Variants in SRCAP observed in about 807,000 individuals in gnomAD.
SRCAP encodes Snf2 related CREBBP activator protein, also known as chromatin remodeling protein SRCAP.
Under a neutral mutation model 263.1 loss-of-function variants are expected in SRCAP, and 46 were observed. That is an observed-to-expected ratio of 0.17 (90% CI 0.14 to 0.22). The LOEUF (loss-of-function observed/expected upper bound fraction) is 0.22, where lower values mean the gene tolerates loss of function less well. SRCAP is among the 10% of genes least tolerant of loss of function. The probability of loss-of-function intolerance (pLI) is 1.00; values close to 1 mark genes in which losing one functional copy is unlikely to be tolerated. For missense variants in SRCAP, 3,695 were observed against 4,181.9 expected (o/e 0.88, Z 3.21); for synonymous variants, 1,813 against 1,662.1 (o/e 1.09, Z -2.21).
intron 1 of SRCAP, among the ~76,000 whole-genome samples, chr16:30,699,542 C>T (rs1186645506): frequency 1.3e-5 from 2 of 152,184 alleles, no homozygotes; most frequent in African/African-American, 2.4e-5. Flanking sequence ...GTTGACTCTT[C>T]CCGGGAGTTC....
At position 30,724,954 on chromosome 16, in the gene SRCAP, T is replaced by A. The variant is rs201101556; in HGVS notation, c.5530T>A (p.Ser1844Thr). 6.2e-7 allele frequency: 1 copy of A among 1,614,186 alleles called. No homozygotes were observed. The highest frequency in any genetic ancestry group is 1.1e-5 in the South Asian group (1 of 91,082). ...PVTMVSRLPV[S>T]KDEPDTLTLR... ...CACCATGGTATCCCGGCTGCCTGTT[T>A]CCAAGGATGAGCCTGACACACTGAC... is the stretch of plus-strand genomic sequence containing the variant. Residue 1844 changes from serine to threonine, a missense_variant, in exon 25 of 34, where the codon TCC (serine) becomes ACC (threonine). By Grantham distance (58) the Ser-to-Thr change is moderately conservative. Transcript: ENST00000262518.
intron 12 of SRCAP, 52 bp downstream of exon 12, chr16:30,712,209 C>A: frequency 6.2e-7 from 1 of 1,600,338 alleles, no homozygotes; most frequent in Non-Finnish European, 8.5e-7. Flanking sequence ...TTCTCATGTC[C>A]CCACAACAAA....
chr16:30,710,976 T>C (rs780255630), intron 9 of SRCAP, 23 bp from the exon 10 acceptor site: 37 of 1,610,072 alleles, frequency 2.3e-5, no homozygotes, highest in Non-Finnish European at 3.1e-5. Flanking sequence ...TCCCTATTAA[T>C]CTTGCTTCTG....
chr16:30,715,949 T>C, intron 16 of SRCAP, 117 bp from the exon 17 acceptor site: 1 of 1,325,462 alleles, frequency 7.5e-7, no homozygotes. Flanking sequence ...CTCATCTTTG[T>C]GTGGTTGGTG....
At position 30,739,652 on chromosome 16, in the gene SRCAP, C is replaced by A. The variant is rs1297684751; in HGVS notation, c.9612C>A (p.Asp3204Glu). The A allele has an allele frequency of 6.3e-7, 1 of 1,587,570 alleles. No individual in the cohort carries two copies. The highest frequency in any genetic ancestry group is 1.1e-5 in the South Asian group (1 of 88,284). The change falls in exon 34 of 34, where the codon GAC (aspartate) becomes GAA (glutamate). Residue 3204 changes from aspartate (D) to glutamate (E), a missense_variant. This residue lies in a region of SRCAP where 1,207 missense variants were observed against 1,142.9 expected (regional missense o/e 1.06). Transcript: ENST00000262518. ...RRLVGTTNQG[D>E]QRILRSSAPP... is the part of the protein sequence containing the mutation. The stretch of plus-strand genomic sequence containing the variant: ...TTGTTGGGACCACCAACCAAGGGGA[C>A]CAGCGCATCCTGCGCAGCAGCGCCC...
intron 18 of SRCAP, among the ~76,000 whole-genome samples, chr16:30,719,783 G>A (rs1036648331): frequency 6.6e-6 from 1 of 152,138 alleles, no homozygotes. Context: ...CAGAGAGCTG[G>A]GATTACAGGT....
chr16:30,716,221 T>C lies in SRCAP; in HGVS notation c.2630+19T>C, dbSNP rs2052947442. 6.2e-7 allele frequency: 1 copy of C among 1,613,702 alleles called. No homozygotes were observed. Among genetic ancestry groups the C allele is most frequent in the Non-Finnish European group, 8.5e-7 (1 of 1,179,710 alleles). On this transcript the variant is annotated intron_variant, in intron 17 of 33. Transcript: ENST00000262518. ...AGACCACGTAAGGGAGGAAGGAGGG[T>C]GGGCCCTGGGACTCGAGATTGGAGT... is the stretch of plus-strand genomic sequence containing the variant.
At chr16:30,719,321 A>G (rs551532319) in intron 18 of SRCAP, among the ~76,000 whole-genome samples, 459 of 150,914 alleles carry the variant, frequency 3.0e-3, no homozygotes, top group African/African-American at 0.011. Context: ...GGTTTAAGCA[A>G]TTCTCCATTT....
At chr16:30,722,528 G>A in intron 22 of SRCAP, 35 bp from the exon 23 acceptor site, 1 of 1,608,798 alleles carries the variant, frequency 6.2e-7, no homozygotes, top group East Asian at 2.2e-5. Flanking sequence ...GCTGATAGCT[G>A]CTTCTCTCTC....
At chr16:30,711,187 G>T in intron 10 of SRCAP, 99 bp downstream of exon 10, 1 of 881,942 alleles carries the variant, frequency 1.1e-6, no homozygotes, top group Non-Finnish European at 1.8e-6. Flanking sequence ...ATCCACCCTG[G>T]AGGAATTCCA....
intron 14 of SRCAP, 84 bp downstream of exon 14, chr16:30,712,899 C>T (rs1006163150): frequency 7.3e-6 from 11 of 1,509,018 alleles, no homozygotes; most frequent in South Asian, 2.6e-5. Context: ...TCCTTTCTCT[C>T]CTCTTTCTTT....
chr16:30,724,328 C>G lies in SRCAP; in HGVS notation c.4904C>G (p.Ser1635Trp). 1 of 1,614,136 alleles carries G rather than the reference C, an allele frequency of 6.2e-7. No homozygotes were observed. Among genetic ancestry groups the G allele is most frequent in the Non-Finnish European group, 8.5e-7 (1 of 1,180,016 alleles). ...ACTCCGGTTCCAGTTATGGCTCCATCGTCTACTCCAGGAACCTCTTTAGCC... is the reference window on the plus strand; with the variant it reads ...ACTCCGGTTCCAGTTATGGCTCCATGGTCTACTCCAGGAACCTCTTTAGCC... ...SQTPVPVMAP[S>W]STPGTSLASA... Residue 1635 changes from serine to tryptophan, a missense_variant, in exon 25 of 34, where the codon TCG becomes TGG. By Grantham distance (177) the Ser-to-Trp change is radical (BLOSUM62 -3). This residue lies in a region of SRCAP where 1,347 missense variants were observed against 1,304.4 expected (regional missense o/e 1.03). Transcript: ENST00000262518.
chr16:30,722,864 G>A lies in SRCAP; in HGVS notation c.3893-99G>A, dbSNP rs117308939. 2,140 of 1,548,152 alleles carry A rather than the reference G, an allele frequency of 1.4e-3. 49 individuals carry two copies. The East Asian group carries it at 0.034, about 25-fold the overall frequency. ...GTTGTTTTCCCTTGCGAATATCTAT[G>A]ATACCTGTCTGCCACCTTCTCCTGC... On this transcript the variant is annotated intron_variant, in intron 23 of 33. Transcript: ENST00000262518.
intron 1 of SRCAP, among the ~76,000 whole-genome samples, chr16:30,699,532 G>C (rs2052742043): frequency 6.6e-6 from 1 of 152,132 alleles, no homozygotes; most frequent in Admixed American, 6.6e-5. Flanking sequence ...CAGCCTGTTT[G>C]TTGACTCTTC....
intron 19 of SRCAP, 59 bp from the exon 20 acceptor site, chr16:30,720,654 A>G: frequency 6.8e-7 from 1 of 1,478,126 alleles, no homozygotes; most frequent in Non-Finnish European, 9.1e-7. Flanking sequence ...CTTTTCTTTG[A>G]TATTGCTACC....
In SRCAP at chr16:30,738,234, G is replaced by A. The variant is rs769698032; in HGVS notation, c.8194G>A (p.Gly2732Ser). The A allele has an allele frequency of 3.1e-6, 5 of 1,614,000 alleles. No individual in the cohort carries two copies. The African/African-American group carries it at 4.0e-5, about 13-fold the overall frequency. ...RRTSADVEIR[G>S]QGTGRPGQPP... is the part of the protein sequence containing the mutation. ...CACCAGTGCTGATGTGGAAATTAGG[G>A]GTCAAGGGACTGGTCGGCCAGGACA... Residue 2732 changes from glycine to serine, a missense_variant, in exon 34 of 34, where the codon GGT becomes AGT. Gly to Ser is a moderately conservative substitution (Grantham distance 56). This residue lies in a region of SRCAP where 1,207 missense variants were observed against 1,142.9 expected (regional missense o/e 1.06). Transcript: ENST00000262518.
In SRCAP at chr16:30,724,292, C is replaced by A; in HGVS notation, c.4868C>A (p.Ala1623Asp). Residue 1623 changes from alanine to aspartate, a missense_variant, in exon 25 of 34, where the codon GCT (alanine) becomes GAT (aspartate). This residue lies in a region of SRCAP where 1,347 missense variants were observed against 1,304.4 expected (regional missense o/e 1.03). Transcript: ENST00000262518. ...APSPGAAPVL[A>D]SSQTPVPVMA... ...TCGCCAGGTGCTGCTCCTGTCCTGG[C>A]TTCATCACAGACTCCGGTTCCAGTT... 6.2e-7 allele frequency: 1 copy of A among 1,614,148 alleles called. No homozygotes were observed. The highest frequency in any genetic ancestry group is 1.1e-5 in the South Asian group (1 of 91,076).
chr16:30,702,183 C>A (rs2052774181), intron 3 of SRCAP, among the ~76,000 whole-genome samples: 1 of 150,322 alleles, frequency 6.7e-6, no homozygotes, highest in African/African-American at 2.5e-5. Context: ...TCATCTTTGA[C>A]CTCGTGATCC....
rs780553892 is a variant in SRCAP, at chr16:30,739,593, G to T, written c.9553G>T (p.Gly3185Trp). The stretch of plus-strand genomic sequence containing the variant: ...CTCAGGTGAGGAGGAGGAAGGGGAT[G>T]GGACCCCACGCCGACGTCCTGGCCC... ...EASGEEEEGD[G>W]TPRRRPGPRR... is the part of the protein sequence containing the mutation. Residue 3185 changes from glycine (G) to tryptophan (W), a missense_variant, in exon 34 of 34, where the codon GGG becomes TGG. This residue lies in a region of SRCAP where 1,207 missense variants were observed against 1,142.9 expected (regional missense o/e 1.06). Coordinates refer to ENST00000262518, the MANE Select transcript of SRCAP (RefSeq NM_006662.3). 7 of 1,599,658 alleles carry T rather than the reference G, an allele frequency of 4.4e-6. No individual in the cohort carries two copies. The highest frequency in any genetic ancestry group is 5.1e-6 in the Non-Finnish European group (6 of 1,173,766).
Sources: gnomAD v4.1 joint callset for allele counts (sites outside exome capture counted in the v4.1 genomes callset) on GRCh38, gnomAD v4.1.1 for gene constraint, gnomAD v4.1.1 regional missense constraint, MANE v1.5 for transcripts, NCBI Gene and HGNC (gene_info 2026-07-23, HGNC 2026-07-21) for gene names.